Variants in PCMTD1 observed in about 807,000 individuals in gnomAD.
PCMTD1 encodes the protein protein-L-isoaspartate (D-aspartate) O-methyltransferase domain containing 1, also known as protein-L-isoaspartate O-methyltransferase domain-containing protein 1.
PCMTD1 carries 12 observed loss-of-function variants against 37.6 expected under a neutral mutation model. That is an observed-to-expected ratio of 0.32 (90% CI 0.20 to 0.52). PCMTD1 has a LOEUF of 0.52. PCMTD1 is among the 20% of genes least tolerant of loss of function. The probability of loss-of-function intolerance (pLI) is 0.97; values close to 1 mark genes in which losing one functional copy is unlikely to be tolerated. For synonymous variants in PCMTD1, 117 were observed against 135.8 expected (o/e 0.86, Z 0.96); for missense variants, 235 against 421.3 (o/e 0.56, Z 3.87).
intron 1 of PCMTD1, among the ~76,000 whole-genome samples, chr8:51,883,747 A>T (rs2038825554): frequency 6.6e-6 from 1 of 152,206 alleles, no homozygotes; most frequent in African/African-American, 2.4e-5. Flanking sequence ...TCTGCAGTTG[A>T]ATTACTGTGA....
At chr8:51,857,298 A>G (rs1585821352) in intron 2 of PCMTD1, among the ~76,000 whole-genome samples, 1 of 152,226 alleles carries the variant, frequency 6.6e-6, no homozygotes, top group Non-Finnish European at 1.5e-5. Flanking sequence ...AGTCACTCCT[A>G]TTAACTAGGG....
intron 1 of PCMTD1, among the ~76,000 whole-genome samples, chr8:51,883,915 T>C (rs1481246009): frequency 6.6e-6 from 1 of 152,202 alleles, no homozygotes; most frequent in Non-Finnish European, 1.5e-5. Flanking sequence ...AATAGGCACT[T>C]TGATATTTGT....
intron 1 of PCMTD1, among the ~76,000 whole-genome samples, chr8:51,886,961 C>CTTT (rs11444689): frequency 6.8e-6 from 1 of 147,596 alleles, no homozygotes; most frequent in South Asian, 2.1e-4. Flanking sequence ...TGTCCATCTG[C>CTTT]TTTTTTTTTT....
intron 1 of PCMTD1, among the ~76,000 whole-genome samples, chr8:51,871,312 G>C (rs996336727): frequency 2.6e-5 from 4 of 152,200 alleles, no homozygotes; most frequent in African/African-American, 9.6e-5. Flanking sequence ...TAAGATGACT[G>C]CAAGAGAGAA....
intron 1 of PCMTD1, among the ~76,000 whole-genome samples, chr8:51,865,946 G>A (rs1399396783): frequency 6.6e-6 from 1 of 151,684 alleles, no homozygotes; most frequent in Non-Finnish European, 1.5e-5. Context: ...TATTAGAACT[G>A]CTAAACAAAT....
intron 1 of PCMTD1, among the ~76,000 whole-genome samples, chr8:51,865,651 A>C (rs1301815837): frequency 1.3e-5 from 2 of 152,118 alleles, no homozygotes; most frequent in Non-Finnish European, 2.9e-5. Context: ...AACTCCCAAT[A>C]AATTAGACAC....
intron 1 of PCMTD1, among the ~76,000 whole-genome samples, chr8:51,869,213 T>C (rs917553929): frequency 4.6e-5 from 7 of 152,202 alleles, no homozygotes; most frequent in Non-Finnish European, 1.0e-4. Context: ...GTACAATTTT[T>C]TTTATGAAAG....
At chr8:51,838,028 C>G (rs2038092280) in intron 3 of PCMTD1, among the ~76,000 whole-genome samples, 1 of 152,176 alleles carries the variant, frequency 6.6e-6, no homozygotes, top group Non-Finnish European at 1.5e-5. Context: ...CTCCGGCAAT[C>G]TACCTGCCTG....
At chr8:51,850,791 T>C (rs2038293566) in intron 2 of PCMTD1, among the ~76,000 whole-genome samples, 1 of 152,198 alleles carries the variant, frequency 6.6e-6, no homozygotes, top group South Asian at 2.1e-4. Flanking sequence ...TAAATTACAA[T>C]GATATTTTAT....
chr8:51,870,255 C>G (rs1452018799), intron 1 of PCMTD1: 1 of 152,184 alleles, frequency 6.6e-6, no homozygotes, highest in African/African-American at 2.4e-5. Flanking sequence ...CACCAGTGAT[C>G]CAAAGGAAAA....
chr8:51,836,898 T>C (rs914375658), intron 3 of PCMTD1, among the ~76,000 whole-genome samples: 1 of 152,180 alleles, frequency 6.6e-6, no homozygotes, highest in African/African-American at 2.4e-5. Context: ...TCTGTAGTAA[T>C]ACAATGGTTT....
intron 3 of PCMTD1, among the ~76,000 whole-genome samples, chr8:51,835,201 G>T (rs914023293): frequency 2.9e-4 from 44 of 152,142 alleles, no homozygotes; most frequent in African/African-American, 1.0e-3. Context: ...TCCTGTATCT[G>T]TGTATGTGCT....
chr8:51,877,510 C>T (rs2038730028), intron 1 of PCMTD1, among the ~76,000 whole-genome samples: 1 of 152,182 alleles, frequency 6.6e-6, no homozygotes. Flanking sequence ...ACATAAAGTA[C>T]ATTAATTTTT....
intron 1 of PCMTD1, among the ~76,000 whole-genome samples, chr8:51,871,406 G>A (rs772484155): frequency 4.6e-5 from 7 of 152,302 alleles, no homozygotes; most frequent in Non-Finnish European, 8.8e-5. Flanking sequence ...ATTAAGAGTA[G>A]CTGCCCTTCC....
intron 1 of PCMTD1, among the ~76,000 whole-genome samples, chr8:51,895,074 A>G (rs2038981497): frequency 1.3e-5 from 2 of 152,206 alleles, no homozygotes; most frequent in Admixed American, 6.5e-5. Flanking sequence ...GAGGGGAATG[A>G]GCAGTTGAAA....
chr8:51,836,290 A>T (rs1460667476), intron 3 of PCMTD1, among the ~76,000 whole-genome samples: 3 of 152,220 alleles, frequency 2.0e-5, no homozygotes, highest in African/African-American at 7.2e-5. Flanking sequence ...AGTTTAGATC[A>T]TCTGTAATGC....
intron 2 of PCMTD1, among the ~76,000 whole-genome samples, chr8:51,848,506 C>T (rs1471235592): frequency 1.3e-5 from 2 of 152,170 alleles, no homozygotes; most frequent in Non-Finnish European, 2.9e-5. Flanking sequence ...GCATTATTAA[C>T]AGAAAGAATC....
intron 1 of PCMTD1, among the ~76,000 whole-genome samples, chr8:51,887,061 C>T (rs1024903502): frequency 1.3e-5 from 2 of 151,976 alleles, no homozygotes; most frequent in African/African-American, 2.4e-5. Flanking sequence ...CTGGTTCTCT[C>T]GCTCTGCCTC....
chr8:51,891,946 G>C lies in PCMTD1; in HGVS notation c.-96+6984C>G, dbSNP rs544789371. Among the ~76,000 whole-genome samples, 28 of 151,694 alleles carry C rather than the reference G, an allele frequency of 1.8e-4. 1 individual carries two copies. The highest frequency in any genetic ancestry group is 1.6e-3 in the Admixed American group (25 of 15,236). On this transcript the variant is annotated intron_variant, in intron 1 of 5. Transcript: ENST00000522514. ...TGTACTTGTTATTCAACAGAATTCTGACTGACATTTTTAATATGCACGAAT... is the reference window on the plus strand; with the variant it reads ...TGTACTTGTTATTCAACAGAATTCTCACTGACATTTTTAATATGCACGAAT...
Sources: allele counts gnomAD v4.1 joint callset (sites outside exome capture counted in the v4.1 genomes callset), GRCh38; gene constraint gnomAD v4.1.1; transcripts MANE v1.5; gene names NCBI Gene and HGNC (gene_info 2026-07-23, HGNC 2026-07-21).